Variants in BCKDHB observed in about 807,000 individuals in gnomAD.
BCKDHB encodes the protein branched chain keto acid dehydrogenase E1 subunit beta, also known as 2-oxoisovalerate dehydrogenase subunit beta, mitochondrial.
A neutral mutation model predicts 48.5 loss-of-function variants in BCKDHB; 41 were observed. That is an observed-to-expected ratio of 0.85 (90% CI 0.66 to 1.10). The LOEUF is 1.10. Ranked by LOEUF, BCKDHB falls within the 50% of genes least tolerant of loss-of-function variation. The pLI is 0.00. For missense variants in BCKDHB, 496 were observed against 494.2 expected (o/e 1.00, Z -0.03); for synonymous variants, 201 against 174.8 (o/e 1.15, Z -1.18).
intron 7 of BCKDHB, among the ~76,000 whole-genome samples, chr6:80,202,272 T>G (rs890713445): frequency 6.6e-6 from 1 of 152,160 alleles, no homozygotes; most frequent in African/African-American, 2.4e-5. Flanking sequence ...CCATTTTACC[T>G]TCTCCAGGAC....
chr6:80,109,424 T>C (rs73477981), intron 1 of BCKDHB, among the ~76,000 whole-genome samples: 10,951 of 152,268 alleles, frequency 0.072, 588 homozygotes, highest in South Asian at 0.24. Context: ...ATGGGTTTTA[T>C]GTATCTGAGA....
intron 8 of BCKDHB, among the ~76,000 whole-genome samples, chr6:80,218,457 G>T (rs1775271512): frequency 4.6e-5 from 7 of 152,110 alleles, no homozygotes; most frequent in Admixed American, 6.5e-5. Flanking sequence ...GCACACGTAT[G>T]TGTGTGTTTC....
At chr6:80,255,616 C>T (rs1399973407) in intron 8 of BCKDHB, among the ~76,000 whole-genome samples, 2 of 152,036 alleles carry the variant, frequency 1.3e-5, no homozygotes, top group Admixed American at 6.6e-5. Context: ...AATCAGTTTT[C>T]CTTGTTATAG....
chr6:80,107,233 G>A (rs1266868673), intron 1 of BCKDHB, among the ~76,000 whole-genome samples: 1 of 150,362 alleles, frequency 6.7e-6, no homozygotes, highest in Non-Finnish European at 1.5e-5. Context: ...CAGGCCTTAG[G>A]TGTTGTTCCA....
intron 8 of BCKDHB, among the ~76,000 whole-genome samples, chr6:80,211,361 T>A (rs1383933200): frequency 6.6e-6 from 1 of 152,212 alleles, no homozygotes; most frequent in Non-Finnish European, 1.5e-5. Context: ...CCAAAGCATA[T>A]CCTGCTGGCT....
intron 9 of BCKDHB, among the ~76,000 whole-genome samples, chr6:80,335,245 A>AG (rs767145629): frequency 5.7e-5 from 6 of 105,774 alleles, no homozygotes; most frequent in South Asian, 3.3e-4. Context: ...AAAAAAAAAA[A>AG]AAGAAGAAAA....
rs56967096 is a variant in BCKDHB, at chr6:80,220,304, GTTTT to G, written c.951+17105_951+17108del. Among the ~76,000 whole-genome samples, 278 of 60,872 alleles carry G rather than the reference GTTTT, an allele frequency of 4.6e-3. 1 individual carries two copies. The highest frequency in any genetic ancestry group is 5.5e-3 in the Non-Finnish European group (189 of 34,278). The allele number at this position is 60,872 out of a possible 152,430, so 39.9% of individuals were successfully genotyped here. On this transcript the variant is annotated intron_variant, in intron 8 of 9. Coordinates refer to ENST00000320393, the MANE Select transcript of BCKDHB (RefSeq NM_183050.4). ...CAGTTATTTTTGTATCATGCTATTT[GTTTT>G]TTTTTTTTTTTTGTCATGTATTTTC...
At chr6:80,205,975 A>T (rs754318131) in intron 8 of BCKDHB, among the ~76,000 whole-genome samples, 4 of 151,958 alleles carry the variant, frequency 2.6e-5, no homozygotes, top group Non-Finnish European at 4.4e-5. Flanking sequence ...GAATCCAGGT[A>T]TATAGAACTC....
the BCKDHB span, among the ~76,000 whole-genome samples, chr6:80,407,491 A>G: frequency 2.1e-3 from 327 of 152,328 alleles, no homozygotes; most frequent in African/African-American, 7.2e-3. Context: ...ATCCATGAGC[A>G]TGAAATGTTC....
intron 3 of BCKDHB, among the ~76,000 whole-genome samples, chr6:80,156,510 TA>T (rs1414851892): frequency 1.3e-5 from 2 of 152,156 alleles, no homozygotes; most frequent in African/African-American, 2.4e-5. Context: ...TATCAGTAAG[TA>T]CAAAAAGAAT....
At chr6:80,132,138 T>G (rs1770660011) in intron 3 of BCKDHB, among the ~76,000 whole-genome samples, 1 of 152,150 alleles carries the variant, frequency 6.6e-6, no homozygotes, top group Non-Finnish European at 1.5e-5. Context: ...TCTCTTCCTT[T>G]GCACTTGCTA....
intron 8 of BCKDHB, among the ~76,000 whole-genome samples, chr6:80,205,426 A>G (rs574579579): frequency 1.5e-4 from 23 of 152,200 alleles, no homozygotes; most frequent in South Asian, 1.5e-3. Flanking sequence ...ACGCCTGATC[A>G]AGAAAAGAAA....
chr6:80,296,374 G>T lies in BCKDHB; in HGVS notation c.1038+23153G>T, dbSNP rs561765520. Among the ~76,000 whole-genome samples the T allele has an allele frequency of 3.3e-5, 5 of 152,192 alleles. No homozygotes were observed. In the South Asian group the frequency reaches 1.0e-3, roughly 32 times the overall value. The stretch of plus-strand genomic sequence containing the variant: ...CTGTGGCATACAGTGATTTTATGTA[G>T]CCATTATAATTATTAATAACATACA... On this transcript the variant is annotated intron_variant, in intron 9 of 9. Transcript: ENST00000320393.
intron 3 of BCKDHB, among the ~76,000 whole-genome samples, chr6:80,149,277 C>G (rs1771641661): frequency 1.3e-5 from 2 of 152,188 alleles, no homozygotes; most frequent in African/African-American, 4.8e-5. Context: ...GAGATACCAT[C>G]TCACACCAGT....
intron 8 of BCKDHB, among the ~76,000 whole-genome samples, chr6:80,232,766 TAAC>T (rs1401116698): frequency 2.3e-4 from 8 of 34,596 alleles, no homozygotes; most frequent in East Asian, 9.6e-3. Flanking sequence ...GTTATAGATA[TAAC>T]ATCTATATCT....
At chr6:80,164,297 A>C (rs2322634) in intron 3 of BCKDHB, among the ~76,000 whole-genome samples, 55,368 of 151,616 alleles carry the variant, frequency 0.37, 12,038 homozygotes, top group Admixed American at 0.56. Flanking sequence ...CCTCTGATAT[A>C]TTAAACATTT....
the BCKDHB span, among the ~76,000 whole-genome samples, chr6:80,400,216 C>T: frequency 1.3e-5 from 2 of 151,692 alleles, no homozygotes; most frequent in Non-Finnish European, 2.9e-5. Flanking sequence ...GCGACAAAAC[C>T]CAAAATTCAC....
the BCKDHB span, among the ~76,000 whole-genome samples, chr6:80,386,773 C>T: frequency 7.9e-5 from 12 of 152,102 alleles, no homozygotes; most frequent in African/African-American, 2.7e-4. Flanking sequence ...CTATTGCATT[C>T]GTACTTAATT....
In BCKDHB at chr6:80,344,085, C is replaced by A. The variant is rs1302677169; in HGVS notation, c.*281C>A. The A allele has an allele frequency of 7.1e-6, 3 of 420,848 alleles. No individual in the cohort carries two copies. In the East Asian group the frequency reaches 1.6e-4, roughly 22 times the overall value. The allele number at this position is 420,848 out of a possible 1,614,324, so 26.1% of individuals were successfully genotyped here. Reference sequence around the variant, plus strand: ...GTGCAATCTCAGCTCACTGCAACCTCCCCCCTACCCCTGAGTTCAAGCGAT... The same window carrying A: ...GTGCAATCTCAGCTCACTGCAACCTACCCCCTACCCCTGAGTTCAAGCGAT... On this transcript the variant is annotated 3_prime_UTR_variant, in exon 10 of 10. Transcript: ENST00000320393.
Sources: allele counts gnomAD v4.1 joint callset (sites outside exome capture counted in the v4.1 genomes callset), GRCh38; gene constraint gnomAD v4.1.1; transcripts MANE v1.5; gene names NCBI Gene and HGNC (gene_info 2026-07-23, HGNC 2026-07-21).